Variants in SLCO3A1 observed in about 807,000 individuals in gnomAD.
The protein encoded by SLCO3A1 is solute carrier organic anion transporter family member 3A1, also known as PGE1 transporter.
SLCO3A1 carries 27 observed loss-of-function variants against 63.1 expected under a neutral mutation model. That is an observed-to-expected ratio of 0.43 (90% CI 0.32 to 0.59). The LOEUF (loss-of-function observed/expected upper bound fraction) is 0.59, where lower values mean the gene tolerates loss of function less well. Among genes scored for constraint, SLCO3A1 ranks in the 20% least tolerant of loss-of-function variants. The pLI is 0.09. For synonymous variants in SLCO3A1, 473 were observed against 409.9 expected, an observed-to-expected ratio of 1.15 and a Z score of -1.86; for missense variants, 773 against 945.8, an observed-to-expected ratio of 0.82 and a Z score of 2.40.
chr15:92,169,196 G>A (rs975036819), downstream of SLCO3A1, among the ~76,000 whole-genome samples: 1 of 152,172 alleles, frequency 6.6e-6, no homozygotes, highest in African/African-American at 2.4e-5. Flanking sequence ...TCATTTTACA[G>A]GGGAAGAAAA....
At chr15:92,104,238 G>A (rs1365535059) in intron 3 of SLCO3A1, 41 bp from the exon 4 acceptor site, 3 of 1,605,018 alleles carry the variant, frequency 1.9e-6, no homozygotes, top group Middle Eastern at 1.7e-4. Context: ...CAGTGGTCCA[G>A]CCTTCTTTTC....
At chr15:91,876,435 A>G (rs966706480) in intron 1 of SLCO3A1, among the ~76,000 whole-genome samples, 46 of 152,348 alleles carry the variant, frequency 3.0e-4, no homozygotes, top group Middle Eastern at 6.8e-3. Flanking sequence ...TCTGTTTCAC[A>G]TGGAGCGGTC....
At position 92,056,162 on chromosome 15, in the gene SLCO3A1, A is replaced by G. The variant is rs114979166; in HGVS notation, c.647-38719A>G. On this transcript the variant is annotated intron_variant, in intron 2 of 9. Transcript: ENST00000318445. ...GGGACTTGAAGTCATTTGAAGATGT[A>G]TCTTCCTTCTTTCCCCTTTATTTCC... Among the ~76,000 whole-genome samples, 776 of 151,870 alleles carry G rather than the reference A, an allele frequency of 5.1e-3. 7 individuals are homozygous for G. Among genetic ancestry groups the G allele is most frequent in the African/African-American group, 0.018 (751 of 41,318 alleles).
intron 6 of SLCO3A1, 98 bp from the exon 7 acceptor site, chr15:92,128,253 C>T (rs1051789381): frequency 1.1e-5 from 16 of 1,405,100 alleles, no homozygotes; most frequent in East Asian, 6.9e-5. Flanking sequence ...CAGGGTACCA[C>T]GCGACTCATC....
chr15:92,118,383 A>T (rs2047821125), intron 4 of SLCO3A1, among the ~76,000 whole-genome samples: 1 of 152,182 alleles, frequency 6.6e-6, no homozygotes, highest in Non-Finnish European at 1.5e-5. Context: ...TGCATAACTA[A>T]GTTCTTTTTG....
chr15:91,977,509 A>G (rs1199666962), intron 2 of SLCO3A1, among the ~76,000 whole-genome samples: 1 of 152,238 alleles, frequency 6.6e-6, no homozygotes, highest in East Asian at 1.9e-4. Context: ...GTTCTCAGAC[A>G]TGGAAAACCA....
chr15:91,869,399 G>T (rs1327915798), intron 1 of SLCO3A1, among the ~76,000 whole-genome samples: 1 of 152,024 alleles, frequency 6.6e-6, no homozygotes, highest in Non-Finnish European at 1.5e-5. Context: ...AGCCAGGCAT[G>T]GTGGCACATG....
At chr15:92,012,433 G>A (rs2046379344) in intron 2 of SLCO3A1, among the ~76,000 whole-genome samples, 1 of 152,178 alleles carries the variant, frequency 6.6e-6, no homozygotes. Context: ...AAGGGAGCAT[G>A]TGTGTCACTC....
At position 91,860,575 on chromosome 15, in the gene SLCO3A1, A is replaced by G. The variant is rs749678696; in HGVS notation, c.180+6487A>G. ...TGTGAGGCCAAGGCTTCTGTTTCCT[A>G]AACTGGTGATCTGGGCTCCTGAAGC... On this transcript the variant is annotated intron_variant, in intron 1 of 9. Coordinates refer to ENST00000318445, the MANE Select transcript of SLCO3A1 (RefSeq NM_013272.4). The surrounding 1 kb of genome is among the most constrained non-coding windows in gnomAD (Gnocchi z 5.5). Among the ~76,000 whole-genome samples, 2 of 152,328 alleles carry G rather than the reference A, an allele frequency of 1.3e-5. No individual in the cohort carries two copies. The highest frequency in any genetic ancestry group is 2.4e-5 in the African/African-American group (1 of 41,562).
chr15:92,031,122 C>T (rs1282973028), intron 2 of SLCO3A1, among the ~76,000 whole-genome samples: 4 of 151,996 alleles, frequency 2.6e-5, no homozygotes, highest in South Asian at 4.2e-4. Flanking sequence ...TTCTGGTATC[C>T]GCTAAGGCTT....
At chr15:92,015,661 A>C (rs2046417977) in intron 2 of SLCO3A1, among the ~76,000 whole-genome samples, 1 of 152,106 alleles carries the variant, frequency 6.6e-6, no homozygotes, top group African/African-American at 2.4e-5. Flanking sequence ...AGATGGCCAG[A>C]ACCTAGAGTT....
chr15:92,013,723 G>A (rs75849111), intron 2 of SLCO3A1, among the ~76,000 whole-genome samples: 401 of 152,258 alleles, frequency 2.6e-3, no homozygotes, highest in African/African-American at 9.1e-3. Flanking sequence ...CATCTAAAAG[G>A]CCCTTTAGAG....
At chr15:92,095,905 A>G (rs1257859316) in intron 3 of SLCO3A1, among the ~76,000 whole-genome samples, 2 of 152,232 alleles carry the variant, frequency 1.3e-5, no homozygotes, top group Admixed American at 6.5e-5. Context: ...CAGAAATGAC[A>G]TACAGTGTTT....
chr15:91,866,341 A>G (rs1299853837), intron 1 of SLCO3A1, among the ~76,000 whole-genome samples: 2 of 152,178 alleles, frequency 1.3e-5, no homozygotes, highest in Non-Finnish European at 2.9e-5. Flanking sequence ...AGCAGGAATC[A>G]GGGCTGGTAA....
intron 1 of SLCO3A1, among the ~76,000 whole-genome samples, chr15:91,874,655 C>T (rs72750051): frequency 0.081 from 12,295 of 152,254 alleles, 708 homozygotes; most frequent in Non-Finnish European, 0.12. Context: ...TGGACACTTC[C>T]GTTGCTTCCA....
chr15:92,083,447 C>T (rs1056537490), intron 2 of SLCO3A1, among the ~76,000 whole-genome samples: 4 of 152,188 alleles, frequency 2.6e-5, no homozygotes, highest in African/African-American at 7.2e-5. Flanking sequence ...GAGTGCAGGG[C>T]AGCGTGACTC....
At chr15:91,901,079 G>A (rs1389092687) in intron 1 of SLCO3A1, among the ~76,000 whole-genome samples, 1 of 151,404 alleles carries the variant, frequency 6.6e-6, no homozygotes, top group Admixed American at 6.6e-5. Flanking sequence ...TTGTTCCTTT[G>A]TTTCTTCTTT....
At chr15:91,965,530 C>A (rs999495841) in intron 2 of SLCO3A1, among the ~76,000 whole-genome samples, 1 of 152,168 alleles carries the variant, frequency 6.6e-6, no homozygotes, top group African/African-American at 2.4e-5. Context: ...AGACTCCCAC[C>A]CCACCCCCTA....
rs1597076356 is a variant in SLCO3A1 at position 91,872,624 on chromosome 15, C to T, written c.180+18536C>T. On this transcript the variant is annotated intron_variant, in intron 1 of 9. Coordinates refer to ENST00000318445, the MANE Select transcript of SLCO3A1 (RefSeq NM_013272.4). This position sits in a 1 kb window ranked among gnomAD's most constrained non-coding sequence, Gnocchi z 4.1. Reference sequence around the variant, plus strand: ...GTGTTTGATCTTGAGTCTCTTGGTTCCAGCTCTAAATTCCCTTCTCTTTGA... The same window carrying T: ...GTGTTTGATCTTGAGTCTCTTGGTTTCAGCTCTAAATTCCCTTCTCTTTGA... Among the ~76,000 whole-genome samples, 1 of 152,202 alleles carries T rather than the reference C, an allele frequency of 6.6e-6. No homozygotes were observed. The highest frequency in any genetic ancestry group is 2.4e-5 in the African/African-American group (1 of 41,454).
Sources: allele counts gnomAD v4.1 joint callset (sites outside exome capture counted in the v4.1 genomes callset), GRCh38; gene constraint gnomAD v4.1.1; non-coding constraint Gnocchi (gnomAD v3.1); transcripts MANE v1.5; gene names NCBI Gene and HGNC (gene_info 2026-07-23, HGNC 2026-07-21).